The following ZNF239 variants were observed in gnomAD, a reference collection of about 807,000 sequenced individuals.
ZNF239 encodes zinc finger protein 239.
In ZNF239, 16 loss-of-function variants were observed where a neutral mutation model predicts 27.5. That is an observed-to-expected ratio of 0.58 (90% CI 0.39 to 0.88). The LOEUF (loss-of-function observed/expected upper bound fraction) is 0.88. Ranked by LOEUF, ZNF239 falls within the 40% of genes least tolerant of loss-of-function variation. The pLI is 0.00. For synonymous variants in ZNF239, 199 were observed against 192.6 expected, an observed-to-expected ratio of 1.03 and a Z score of -0.27; for missense variants, 527 against 551.9, an observed-to-expected ratio of 0.95 and a Z score of 0.45.
chr10:43,557,337 G>C lies in ZNF239; in HGVS notation c.743C>G (p.Ser248Trp). 6.2e-7 allele frequency: 1 copy of C among 1,614,178 alleles called. No homozygotes were observed. The highest frequency in any genetic ancestry group is 8.5e-7 in the Non-Finnish European group (1 of 1,180,034). Reference protein sequence around the residue: ...EQCGKGFTRSSSLLIHQAVHT... With the variant: ...EQCGKGFTRSWSLLIHQAVHT... ...GACTGCCTGATGGATAAGCAGACTC[G>C]AGCTCCTTGTGAAGCCCTTCCCACA... Residue 248 changes from serine (S) to tryptophan (W), a missense_variant, in exon 4 of 4, where the codon TCG becomes TGG. Transcript: ENST00000374446.
rs530355985 is a variant in ZNF239 at position 43,570,859 on chromosome 10, C to T, written c.-216+2778G>A. 7.9e-4 allele frequency: 777 copies of T among 985,118 alleles called. 5 individuals carry two copies. The African/African-American group carries it at 0.013, about 16-fold the overall frequency. The allele number at this position is 985,118 out of a possible 1,614,324, so 61.0% of individuals were successfully genotyped here. ...AAGGTCCTCAAGATAAAATGGCAGG[C>T]GGGACTCCATTCTGAGAAGGGAAAG... On this transcript the variant is annotated intron_variant, in intron 2 of 3. Transcript: ENST00000374446.
At chr10:43,561,962 G>A (rs1159545360) in intron 3 of ZNF239, among the ~76,000 whole-genome samples, 7 of 151,958 alleles carry the variant, frequency 4.6e-5, no homozygotes, top group African/African-American at 1.7e-4. Flanking sequence ...AGCTTCAGAG[G>A]AAAAATAAAA....
At chr10:43,571,476 T>C (rs1349608535) in intron 2 of ZNF239, among the ~76,000 whole-genome samples, 7 of 151,976 alleles carry the variant, frequency 4.6e-5, no homozygotes, top group African/African-American at 7.3e-5. Flanking sequence ...TGAGATCTCA[T>C]AGCATCTTTC....
rs1182783142 is a variant in ZNF239 at position 43,557,964 on chromosome 10, G to A, written c.116C>T (p.Pro39Leu). 1.9e-6 allele frequency: 3 copies of A among 1,614,144 alleles called. No homozygotes were observed. Among genetic ancestry groups the A allele is most frequent in the Admixed American group, 1.7e-5 (1 of 60,012 alleles). The change falls in exon 4 of 4, where the codon CCT (proline) becomes CTT (leucine). Residue 39 changes from proline (P) to leucine (L), a missense_variant. Coordinates refer to ENST00000374446, the MANE Select transcript of ZNF239 (RefSeq NM_001099282.2). The stretch of plus-strand genomic sequence containing the variant: ...CACACTGTCCCTGTTTCTGGAAATA[G>A]GAGAAGATGCTTCTCCCCACTGTTG... ...PCQQWGEASS[P>L]ISRNRDSVMT...
intron 1 of ZNF239, 78 bp from the exon 2 acceptor site, chr10:43,573,755 G>T: frequency 1.7e-6 from 1 of 583,154 alleles, no homozygotes; most frequent in Non-Finnish European, 2.2e-6. Flanking sequence ...AAGTTACTCC[G>T]CTCCTGCCTC....
At chr10:43,572,094 C>G (rs1158810151) in intron 2 of ZNF239, among the ~76,000 whole-genome samples, 1 of 152,132 alleles carries the variant, frequency 6.6e-6, no homozygotes, top group Non-Finnish European at 1.5e-5. Flanking sequence ...TTCAGCAGAC[C>G]TAAGGACAAT....
chr10:43,557,131 T>C lies in ZNF239; in HGVS notation c.949A>G (p.Lys317Glu). Residue 317 changes from lysine to glutamate, a missense_variant, in exon 4 of 4, where the codon AAG becomes GAG. Coordinates refer to ENST00000374446, the MANE Select transcript of ZNF239 (RefSeq NM_001099282.2). ...CCACACTCCTCACACTCATAGGGCT[T>C]CTCTCCAGTGTGGACTCGCTGGTGG... The part of the protein sequence containing the change: ...HIHQRVHTGE[K>E]PYECEECGMS... The C allele has an allele frequency of 6.2e-7, 1 of 1,612,942 alleles. No individual in the cohort carries two copies. The highest frequency in any genetic ancestry group is 1.1e-5 in the South Asian group (1 of 91,016).
rs189258456 is a variant in ZNF239, at chr10:43,557,542, C to G, written c.538G>C (p.Asp180His). ...AGTATTTTCCCACAGTTATTATGGT[C>G]ACAGGGTTTCTCCTCTGTATGAGCT... ...QRAHTEEKPC[D>H]HNNCGKILNT... is the part of the protein sequence containing the mutation. Residue 180 changes from aspartate to histidine, a missense_variant, in exon 4 of 4, where the codon GAC (aspartate) becomes CAC (histidine). By Grantham distance (81) the Asp-to-His change is moderately conservative. Coordinates refer to ENST00000374446, the MANE Select transcript of ZNF239 (RefSeq NM_001099282.2). 7.4e-6 allele frequency: 12 copies of G among 1,614,140 alleles called. No individual in the cohort carries two copies. In the East Asian group the frequency reaches 2.5e-4, roughly 33 times the overall value.
intron 1 of ZNF239, among the ~76,000 whole-genome samples, chr10:43,574,334 G>C (rs1489197528): frequency 6.6e-6 from 1 of 152,188 alleles, no homozygotes; most frequent in Non-Finnish European, 1.5e-5. Context: ...TGTGGCCGCA[G>C]CCCGGCCCCG....
chr10:43,564,013 C>T (rs1477138251), intron 3 of ZNF239, among the ~76,000 whole-genome samples: 2 of 152,134 alleles, frequency 1.3e-5, no homozygotes, highest in Non-Finnish European at 2.9e-5. Flanking sequence ...ATAACTGAGC[C>T]AGGCCATGTT....
rs1836896076 is a variant in ZNF239, at chr10:43,557,759, T to C, written c.321A>G (p.Ile107Met). Residue 107 changes from isoleucine (I) to methionine (M), a missense_variant, in exon 4 of 4, where the codon ATA (isoleucine) becomes ATG (methionine). By Grantham distance (10) the Ile-to-Met change is conservative. Coordinates refer to ENST00000374446, the MANE Select transcript of ZNF239 (RefSeq NM_001099282.2). ...GGTTCTCTGAACAACTTTCCCCCTTTATCACTTTTCTCTCAGTGCTTTCTT... is the reference window on the plus strand; with the variant it reads ...GGTTCTCTGAACAACTTTCCCCCTTCATCACTTTTCTCTCAGTGCTTTCTT... Reference protein sequence around the residue: ...VMEESTERKVIKGESCSENLQ... With the variant: ...VMEESTERKVMKGESCSENLQ... 2.5e-6 allele frequency: 4 copies of C among 1,614,164 alleles called. No homozygotes were observed. The highest frequency in any genetic ancestry group is 1.6e-4 in the Middle Eastern group (1 of 6,062).
At chr10:43,563,087 G>C (rs553132178) in intron 3 of ZNF239, among the ~76,000 whole-genome samples, 2 of 152,240 alleles carry the variant, frequency 1.3e-5, no homozygotes, top group South Asian at 4.2e-4. Flanking sequence ...GGCCGAGGTG[G>C]GTGGATTACT....
chr10:43,574,265 G>A (rs1838216183), intron 1 of ZNF239, among the ~76,000 whole-genome samples: 1 of 152,248 alleles, frequency 6.6e-6, no homozygotes, highest in Non-Finnish European at 1.5e-5. Context: ...GCTCGGCCAG[G>A]AGGGAGGAGG....
intron 3 of ZNF239, among the ~76,000 whole-genome samples, chr10:43,565,153 G>A (rs139893189): frequency 0.072 from 10,927 of 151,850 alleles, 1,279 homozygotes; most frequent in African/African-American, 0.25. Context: ...GCACGATCTC[G>A]GCTCACTGCA....
intron 3 of ZNF239, 69 bp downstream of exon 3, chr10:43,567,830 G>T: frequency 2.4e-6 from 2 of 831,724 alleles, no homozygotes; most frequent in Non-Finnish European, 1.5e-6. Flanking sequence ...ACATCCTTTT[G>T]TGTCAAAAAG....
Position 43,557,485 on chromosome 10 carries a change from T to C in ZNF239, c.595A>G (p.Lys199Glu), listed in dbSNP as rs746161181. ...TATTGTTTCTCTGCAGTGTGGATTT[T>C]CTCATATGGATGACCATCTGGGCTG... ...NTSPDGHPYE[K>E]IHTAEKQYEC... The change falls in exon 4 of 4, where the codon AAA becomes GAA. Residue 199 changes from lysine to glutamate, a missense_variant. Physicochemically the swap from Lys to Glu is moderately conservative, Grantham distance 56. Coordinates refer to ENST00000374446, the MANE Select transcript of ZNF239 (RefSeq NM_001099282.2). 28 of 1,614,176 alleles carry C rather than the reference T, an allele frequency of 1.7e-5. No homozygotes were observed. The highest frequency in any genetic ancestry group is 2.3e-5 in the Non-Finnish European group (27 of 1,180,012).
At position 43,557,545 on chromosome 10, in the gene ZNF239, AG is replaced by A; in HGVS notation, c.534del (p.Cys179ValfsTer148). ...SQQRAHTEEK[P>X]CDHNNCGKIL... is the part of the protein sequence containing the mutation. ...ATTTTCCCACAGTTATTATGGTCAC[AG>A]GGTTTCTCCTCTGTATGAGCTCTCT... On this transcript the variant is annotated frameshift_variant, in exon 4 of 4. Coordinates refer to ENST00000374446, the MANE Select transcript of ZNF239 (RefSeq NM_001099282.2). LOFTEE classifies it high-confidence loss of function. The A allele has an allele frequency of 6.2e-7, 1 of 1,614,156 alleles. No homozygotes were observed. Among genetic ancestry groups the A allele is most frequent in the Non-Finnish European group, 8.5e-7 (1 of 1,180,022 alleles).
At chr10:43,561,694 C>T (rs1837262637) in intron 3 of ZNF239, among the ~76,000 whole-genome samples, 1 of 152,020 alleles carries the variant, frequency 6.6e-6, no homozygotes, top group South Asian at 2.1e-4. Flanking sequence ...CAATACAATA[C>T]ATAATTAGGC....
At position 43,556,969 on chromosome 10, in the gene ZNF239, CTG is replaced by C; in HGVS notation, c.1109_1110del (p.Thr370ArgfsTer9). 6.2e-7 allele frequency: 1 copy of C among 1,613,548 alleles called. No homozygotes were observed. The highest frequency in any genetic ancestry group is 8.5e-7 in the Non-Finnish European group (1 of 1,179,882). The stretch of plus-strand genomic sequence containing the variant: ...TCATAGCATTGGTAAGGCTTCTCTC[CTG>C]TGTGGATGCACCGGTGAATGTGAAG... ...SNLHIHRCIH[T>X]GEKPYQCYEC... On this transcript the variant is annotated frameshift_variant, in exon 4 of 4. Transcript: ENST00000374446. LOFTEE classifies it high-confidence loss of function.
Sources: allele counts gnomAD v4.1 joint callset (sites outside exome capture counted in the v4.1 genomes callset), GRCh38; gene constraint gnomAD v4.1.1; transcripts MANE v1.5; gene names NCBI Gene and HGNC (gene_info 2026-07-23, HGNC 2026-07-21).